Variants in FBN1 observed in about 807,000 individuals in gnomAD.
FBN1 encodes the protein fibrillin 1.
A neutral mutation model predicts 365.1 loss-of-function variants in FBN1; 29 were observed. The ratio of observed to expected loss-of-function variants is 0.08; its 90% confidence interval spans 0.06 to 0.11. FBN1 has a LOEUF of 0.11. FBN1 is among the 10% of genes least tolerant of loss of function. The probability of loss-of-function intolerance (pLI) is 1.00; values close to 1 mark genes in which losing one functional copy is unlikely to be tolerated. For missense variants in FBN1, 2,476 were observed against 3,703.2 expected (o/e 0.67, Z 8.60); for synonymous variants, 1,210 against 1,270.5 (o/e 0.95, Z 1.01).
chr15:48,485,625 T>C, intron 29 of FBN1, 129 bp from the exon 30 acceptor site: 1 of 975,548 alleles, frequency 1.0e-6, no homozygotes, highest in South Asian at 1.4e-5. Flanking sequence ...GAGGTAATCA[T>C]CCTATGAGGG....
intron 15 of FBN1, among the ~76,000 whole-genome samples, chr15:48,507,184 T>A (rs11853045): frequency 0.17 from 25,772 of 152,066 alleles, 2,334 homozygotes; most frequent in East Asian, 0.36. Context: ...CTGTGTATCA[T>A]CAAGAAGATT....
chr15:48,411,556 A>G (rs1298845130), intron 65 of FBN1, among the ~76,000 whole-genome samples, 177 bp from the exon 66 acceptor site: 1 of 152,260 alleles, frequency 6.6e-6, no homozygotes, highest in African/African-American at 2.4e-5. Flanking sequence ...CATATTTGTA[A>G]TATTTGAAAA....
At chr15:48,565,617 C>A (rs1436327806) in intron 6 of FBN1, among the ~76,000 whole-genome samples, 4 of 140,860 alleles carry the variant, frequency 2.8e-5, no homozygotes, top group Non-Finnish European at 3.0e-5. Context: ...AAATGATGTT[C>A]AATGTGATAA....
At position 48,474,337 on chromosome 15, in the gene FBN1, C is replaced by A. The variant is rs1180794278; in HGVS notation, c.4128G>T (p.Gln1376His). 6.2e-7 allele frequency: 1 copy of A among 1,614,118 alleles called. No homozygotes were observed. The highest frequency in any genetic ancestry group is 2.2e-5 in the East Asian group (1 of 44,878). The change falls in exon 34 of 66, where the codon CAG becomes CAT. Residue 1376 changes from glutamine to histidine, a missense_variant. Physicochemically the swap from Gln to His is conservative, Grantham distance 24. Transcript: ENST00000316623. ...CCATGGTATTCTTGCAGTCTGCATG[C>A]TGGCTGCACATATGGGTTCCATTGG... ...ECSNGTHMCS[Q>H]HADCKNTMGS...
rs1303849606 is a variant in FBN1 at position 48,408,964 on chromosome 15, C to T, written c.*2026G>A. 8 of 152,184 alleles carry T rather than the reference C, an allele frequency of 5.3e-5. No individual in the cohort carries two copies. Among genetic ancestry groups the T allele is most frequent in the Admixed American group, 5.2e-4 (8 of 15,276 alleles). The allele number at this position is 152,184 out of a possible 1,614,324, so 9.4% of individuals were successfully genotyped here. A position where few individuals can be genotyped will look rare whatever the true frequency, so the allele number is the denominator to read the frequency against. On this transcript the variant is annotated 3_prime_UTR_variant, in exon 66 of 66. Transcript: ENST00000316623. ...ATTCTTCGATAACAATTTTAATACA[C>T]CTCTATCACATGGTTCCATAGGTGC...
At chr15:48,601,186 A>C (rs1246198384) in intron 4 of FBN1, among the ~76,000 whole-genome samples, 2 of 152,212 alleles carry the variant, frequency 1.3e-5, no homozygotes, top group African/African-American at 4.8e-5. Flanking sequence ...CCAGACAATG[A>C]GACACTCAGA....
At chr15:48,580,567 G>A (rs1253685041) in intron 6 of FBN1, among the ~76,000 whole-genome samples, 1 of 152,080 alleles carries the variant, frequency 6.6e-6, no homozygotes, top group East Asian at 1.9e-4. Context: ...GGGTTGTTCT[G>A]AGCACCCACA....
chr15:48,541,512 T>A (rs900057707), intron 6 of FBN1, among the ~76,000 whole-genome samples: 1 of 152,218 alleles, frequency 6.6e-6, no homozygotes, highest in Admixed American at 6.5e-5. Flanking sequence ...GGAAGGTAAA[T>A]GCTGTATTAA....
chr15:48,424,550 T>A (rs2042964826), intron 60 of FBN1, among the ~76,000 whole-genome samples: 1 of 151,860 alleles, frequency 6.6e-6, no homozygotes, highest in South Asian at 2.1e-4. Flanking sequence ...TGAGAAAAAA[T>A]AGGAAAAAGA....
intron 6 of FBN1, among the ~76,000 whole-genome samples, chr15:48,561,045 A>C (rs1174910002): frequency 1.3e-5 from 2 of 152,208 alleles, no homozygotes; most frequent in East Asian, 3.8e-4. Context: ...ATTACAGACT[A>C]GAAAACAAAG....
At chr15:48,540,966 A>T (rs1167265531) in intron 6 of FBN1, among the ~76,000 whole-genome samples, 1 of 152,144 alleles carries the variant, frequency 6.6e-6, no homozygotes, top group Admixed American at 6.5e-5. Context: ...GCCAAGGTTC[A>T]GGATAGATAC....
intron 60 of FBN1, among the ~76,000 whole-genome samples, chr15:48,425,126 T>G (rs532795337): frequency 6.6e-6 from 1 of 152,342 alleles, no homozygotes; most frequent in South Asian, 2.1e-4. Flanking sequence ...GAGACAGTCA[T>G]GGATGGCCAC....
At chr15:48,525,665 C>G (rs1322431378) in intron 9 of FBN1, among the ~76,000 whole-genome samples, 1 of 152,152 alleles carries the variant, frequency 6.6e-6, no homozygotes, top group Non-Finnish European at 1.5e-5. Flanking sequence ...AGGGTTTGAG[C>G]AAGAGTGTTA....
chr15:48,601,002 T>C (rs2044561461), intron 4 of FBN1, among the ~76,000 whole-genome samples: 1 of 152,134 alleles, frequency 6.6e-6, no homozygotes, highest in Non-Finnish European at 1.5e-5. Context: ...AGAAAATACC[T>C]ACAAAGACAT....
intron 63 of FBN1, among the ~76,000 whole-genome samples, chr15:48,417,040 A>T (rs191495033): frequency 6.6e-6 from 1 of 152,302 alleles, no homozygotes; most frequent in Admixed American, 6.5e-5. Context: ...CCAAGATCTC[A>T]CAGCCAGCAG....
At chr15:48,523,712 G>T (rs1204840205) in intron 9 of FBN1, among the ~76,000 whole-genome samples, 2 of 101,414 alleles carry the variant, frequency 2.0e-5, no homozygotes, top group East Asian at 2.8e-4. Flanking sequence ...AGGGTGGCTG[G>T]GGGGGGGGGG....
At position 48,644,611 on chromosome 15, in the gene FBN1, A is replaced by T. The variant is rs762438254; in HGVS notation, c.159T>A (p.Leu53=). The change falls in exon 2 of 66, where the codon CTT becomes CTA. Residue 53 remains leucine (L), a synonymous_variant. Transcript: ENST00000316623. ...GAGGGAACCGGTTCCTTTACCCTTT[A>T]AGCGCGTCGTGTCCTCCACCGCCTC... ...KRRGGGGHDA[L]KGPNVCGSRY... is the part of the protein sequence containing the mutation. 3 of 1,613,980 alleles carry T rather than the reference A, an allele frequency of 1.9e-6. No homozygotes were observed. Among genetic ancestry groups the T allele is most frequent in the Non-Finnish European group, 2.5e-6 (3 of 1,180,022 alleles).
intron 32 of FBN1, among the ~76,000 whole-genome samples, chr15:48,479,330 C>T (rs2043449471): frequency 6.6e-6 from 1 of 152,172 alleles, no homozygotes; most frequent in African/African-American, 2.4e-5. Flanking sequence ...TTCCACAGGT[C>T]AGGGCTGTTA....
At chr15:48,586,555 A>C (rs913098613) in intron 6 of FBN1, among the ~76,000 whole-genome samples, 3 of 152,198 alleles carry the variant, frequency 2.0e-5, no homozygotes, top group Non-Finnish European at 4.4e-5. Context: ...CAAGCCATTA[A>C]AAACTAGGAA....
Sources: allele counts gnomAD v4.1 joint callset (sites outside exome capture counted in the v4.1 genomes callset), GRCh38; gene constraint gnomAD v4.1.1; transcripts MANE v1.5; gene names NCBI Gene and HGNC (gene_info 2026-07-23, HGNC 2026-07-21).